DLG2: variants seen among roughly 807,000 people sequenced by gnomAD.
DLG2 encodes disks large homolog 2.
A neutral mutation model predicts 132.5 loss-of-function variants in DLG2; 45 were observed. The observed-to-expected ratio is 0.34, with a 90% CI of 0.27 to 0.44. The LOEUF is 0.44. DLG2 is among the 20% of genes least tolerant of loss of function. The pLI is 1.00. For synonymous variants in DLG2, 424 were observed against 419.6 expected (o/e 1.01, Z -0.13); for missense variants, 1,045 against 1,196.9 (o/e 0.87, Z 1.87).
chr11:83,742,996 T>C (rs562079675), intron 18 of DLG2, among the ~76,000 whole-genome samples: 2 of 152,270 alleles, frequency 1.3e-5, no homozygotes, highest in East Asian at 3.9e-4. Context: ...TATGACTTTG[T>C]GGGTTTCTGT....
chr11:84,625,932 G>T (rs2099621778), intron 6 of DLG2, among the ~76,000 whole-genome samples: 1 of 152,102 alleles, frequency 6.6e-6, no homozygotes, highest in African/African-American at 2.4e-5. Context: ...AATTTAGTGG[G>T]ATCCTTAGGT....
At chr11:84,844,119 GTGTGTGTGTGTGTGTGTA>G (rs1190813035) in intron 6 of DLG2, among the ~76,000 whole-genome samples, 51 of 23,444 alleles carry the variant, frequency 2.2e-3, no homozygotes, top group African/African-American at 5.9e-3. Flanking sequence ...GTGTGTGTGT[GTGTGTGTGTGTGTGTGTA>G]TATATATATA....
At chr11:85,531,968 A>G (rs2075241610) in intron 3 of DLG2, among the ~76,000 whole-genome samples, 1 of 152,236 alleles carries the variant, frequency 6.6e-6, no homozygotes, top group Non-Finnish European at 1.5e-5. Context: ...GAGACCCAGG[A>G]TAACAAAATC....
At chr11:84,253,150 A>ACAGT (rs2097413004) in intron 7 of DLG2, among the ~76,000 whole-genome samples, 1 of 152,234 alleles carries the variant, frequency 6.6e-6, no homozygotes, top group South Asian at 2.1e-4. Flanking sequence ...CTGGAGAAAG[A>ACAGT]CAGTTTTTAC....
chr11:85,562,282 T>C (rs367670052), intron 3 of DLG2, among the ~76,000 whole-genome samples: 14 of 151,894 alleles, frequency 9.2e-5, no homozygotes, highest in African/African-American at 3.4e-4. Flanking sequence ...AGAGTCCTTG[T>C]AAATCTGAAA....
At chr11:85,506,109 T>C (rs1404946516) in intron 3 of DLG2, among the ~76,000 whole-genome samples, 2 of 152,192 alleles carry the variant, frequency 1.3e-5, no homozygotes, top group Non-Finnish European at 2.9e-5. Context: ...TTTTTCTCTC[T>C]TTTCTTCTTT....
chr11:84,891,554 A>G (rs1387943610), intron 6 of DLG2, among the ~76,000 whole-genome samples: 1 of 152,166 alleles, frequency 6.6e-6, no homozygotes, highest in African/African-American at 2.4e-5. Context: ...CATCAGGATA[A>G]CAGTAATTTT....
chr11:85,161,259 T>C (rs2078007622), intron 4 of DLG2, among the ~76,000 whole-genome samples: 1 of 152,228 alleles, frequency 6.6e-6, no homozygotes, highest in South Asian at 2.1e-4. Context: ...CCACCTGTCA[T>C]TGGCCAGTGG....
intron 6 of DLG2, among the ~76,000 whole-genome samples, chr11:84,573,011 G>A (rs2099489432): frequency 6.6e-6 from 1 of 152,080 alleles, no homozygotes; most frequent in Non-Finnish European, 1.5e-5. Context: ...CTAAGAAATA[G>A]TACAAGCTAA....
chr11:84,741,044 T>C (rs1161671946), intron 6 of DLG2, among the ~76,000 whole-genome samples: 1 of 146,938 alleles, frequency 6.8e-6, no homozygotes, highest in African/African-American at 2.5e-5. Flanking sequence ...CAAACAACTG[T>C]GTGCCTATGC....
rs146167816 is a variant in DLG2, at chr11:84,111,241, A to G, written c.625-12194T>C. 1.7e-3 allele frequency among the ~76,000 whole-genome samples: 259 copies of G among 152,304 alleles called. 2 individuals are homozygous for G. Among genetic ancestry groups the G allele is most frequent in the East Asian group, 1.3e-3 (7 of 5,186 alleles). ...ACTGAATTGAACTGAACTATTTCCT[A>G]TTCTGCAATTCTTCTTTTCTTTGCT... On this transcript the variant is annotated intron_variant, in intron 9 of 27. Transcript: ENST00000376104.
chr11:84,239,239 G>A (rs1485253859), intron 8 of DLG2, among the ~76,000 whole-genome samples: 1 of 151,992 alleles, frequency 6.6e-6, no homozygotes, highest in Non-Finnish European at 1.5e-5. Flanking sequence ...GCAGTGTAGG[G>A]GTGTGATCTC....
At chr11:83,658,596 T>C (rs2073387806) in intron 18 of DLG2, among the ~76,000 whole-genome samples, 1 of 152,228 alleles carries the variant, frequency 6.6e-6, no homozygotes, top group Non-Finnish European at 1.5e-5. Context: ...AATAAGTGCT[T>C]TTAGCTTAGT....
intron 18 of DLG2, among the ~76,000 whole-genome samples, chr11:83,711,488 A>C (rs548520419): frequency 8.0e-6 from 1 of 125,302 alleles, no homozygotes; most frequent in South Asian, 2.6e-4. Flanking sequence ...AGTGTAGATC[A>C]AGTTCACCCT....
At chr11:84,426,310 T>A (rs764061094) in intron 7 of DLG2, among the ~76,000 whole-genome samples, 37 of 152,154 alleles carry the variant, frequency 2.4e-4, no homozygotes, top group Non-Finnish European at 5.1e-4. Flanking sequence ...ACCAAAAAAA[T>A]TCCTAAACCT....
intron 6 of DLG2, among the ~76,000 whole-genome samples, chr11:84,949,475 G>C (rs2050650568): frequency 6.8e-6 from 1 of 147,170 alleles, no homozygotes; most frequent in South Asian, 2.2e-4. Context: ...GGAGACTGGA[G>C]TTTATTTCAT....
intron 11 of DLG2, among the ~76,000 whole-genome samples, chr11:84,045,789 G>T (rs553527726): frequency 4.0e-5 from 6 of 151,560 alleles, no homozygotes; most frequent in Admixed American, 1.3e-4. Flanking sequence ...TAAAAATGAT[G>T]ATGAATCAAG....
intron 6 of DLG2, among the ~76,000 whole-genome samples, chr11:84,757,855 G>A (rs1444082671): frequency 6.6e-6 from 1 of 152,078 alleles, no homozygotes; most frequent in Non-Finnish European, 1.5e-5. Context: ...GTGCAGCCTG[G>A]GGGAATCACC....
intron 18 of DLG2, among the ~76,000 whole-genome samples, chr11:83,751,385 T>C (rs1251594705): frequency 2.6e-5 from 4 of 152,124 alleles, no homozygotes; most frequent in African/African-American, 9.7e-5. Context: ...TTAAGGACTT[T>C]GGCTTTTGCT....
Sources: allele counts gnomAD v4.1 joint callset (sites outside exome capture counted in the v4.1 genomes callset), GRCh38; gene constraint gnomAD v4.1.1; transcripts MANE v1.5; gene names NCBI Gene and HGNC (gene_info 2026-07-23, HGNC 2026-07-21).